Variants in ARID1A observed in about 807,000 individuals in gnomAD.
The protein encoded by ARID1A is AT-rich interaction domain 1A.
ARID1A carries 20 observed loss-of-function variants against 212.6 expected under a neutral mutation model. The ratio of observed to expected loss-of-function variants is 0.09; its 90% CI spans 0.07 to 0.14. ARID1A has a LOEUF of 0.14. Among genes scored for constraint, ARID1A ranks in the 10% least tolerant of loss-of-function variants. ARID1A has a pLI of 1.00. For missense variants in ARID1A, 2,587 were observed against 3,059.0 expected, an observed-to-expected ratio of 0.85 and a Z score of 3.64; for synonymous variants, 1,376 against 1,222.1, an observed-to-expected ratio of 1.13 and a Z score of -2.63.
At chr1:26,718,996 G>A (rs954922485) in intron 1 of ARID1A, among the ~76,000 whole-genome samples, 1 of 152,058 alleles carries the variant, frequency 6.6e-6, no homozygotes, top group African/African-American at 2.4e-5. Context: ...GTTGACCGTG[G>A]GTAACTGAAA....
At chr1:26,751,962 G>C (rs2124021027) in intron 4 of ARID1A, among the ~76,000 whole-genome samples, 1 of 152,300 alleles carries the variant, frequency 6.6e-6, no homozygotes, top group East Asian at 1.9e-4. Flanking sequence ...GAGTTTGGTG[G>C]GGGATTTCAT....
At chr1:26,723,578 T>C (rs1570568565) in intron 1 of ARID1A, among the ~76,000 whole-genome samples, 1 of 152,172 alleles carries the variant, frequency 6.6e-6, no homozygotes, top group South Asian at 2.1e-4. Flanking sequence ...GGCAGCCAGC[T>C]TCATGGCCAG....
chr1:26,781,967 TCAA>T lies in ARID1A; in HGVS notation c.*1215_*1217del. On this transcript the variant is annotated 3_prime_UTR_variant, in exon 20 of 20. Transcript: ENST00000324856. ...GTGATAAAATCTGCATATTTGTATT[TCAA>T]CAATGTAGCTAAAACTTGATGTAAA... 1 of 233,616 alleles carries T rather than the reference TCAA, an allele frequency of 4.3e-6. No homozygotes were observed. Among genetic ancestry groups the T allele is most frequent in the East Asian group, 6.0e-5 (1 of 16,538 alleles). 14.5% of individuals were successfully genotyped at this position (233,616 alleles called of 1,614,324 possible). A position where few individuals can be genotyped will look rare whatever the true frequency, so the allele number is the denominator to read the frequency against.
intron 1 of ARID1A, among the ~76,000 whole-genome samples, chr1:26,725,456 G>A (rs2080607084): frequency 6.6e-6 from 1 of 152,072 alleles, no homozygotes; most frequent in African/African-American, 2.4e-5. Flanking sequence ...TCTGATTTGA[G>A]CAGATGTCTA....
intron 1 of ARID1A, among the ~76,000 whole-genome samples, chr1:26,709,977 G>A (rs1285795088): frequency 1.3e-5 from 2 of 151,242 alleles, no homozygotes; most frequent in African/African-American, 2.4e-5. Flanking sequence ...GATTACAGGC[G>A]TGTGCCACCA....
At chr1:26,722,006 G>T (rs1240782326) in intron 1 of ARID1A, among the ~76,000 whole-genome samples, 29 of 152,168 alleles carry the variant, frequency 1.9e-4, no homozygotes, top group Non-Finnish European at 1.5e-5. Flanking sequence ...AGATATGGTA[G>T]TCTATATATC....
chr1:26,736,818 C>G (rs2080736103), intron 4 of ARID1A, among the ~76,000 whole-genome samples: 1 of 148,728 alleles, frequency 6.7e-6, no homozygotes, highest in Non-Finnish European at 1.5e-5. Context: ...AGGAGAATTG[C>G]TTCAATCCAG....
At position 26,696,577 on chromosome 1, in the gene ARID1A, C is replaced by G. The variant is rs2124740573; in HGVS notation, c.174C>G (p.Ser58Arg). 1 of 1,228,814 alleles carries G rather than the reference C, an allele frequency of 8.1e-7. No individual in the cohort carries two copies. Among genetic ancestry groups the G allele is most frequent in the East Asian group, 3.2e-5 (1 of 30,836 alleles). The allele number at this position is 1,228,814 out of a possible 1,614,324, so 76.1% of individuals were successfully genotyped here. A position where few individuals can be genotyped will look rare whatever the true frequency, so the allele number is the denominator to read the frequency against. The change falls in exon 1 of 20, where the codon AGC becomes AGG. Residue 58 changes from serine (S) to arginine (R), a missense_variant. By Grantham distance (110) the Ser-to-Arg change is moderately radical. Around this residue, in one of 11 missense-constraint regions of ARID1A, gnomAD observed 735 missense variants for 590.6 expected, o/e 1.24. Transcript: ENST00000324856. Reference protein sequence around the residue: ...GEMKAAAGQESEGPAVGPPQP... With the variant: ...GEMKAAAGQEREGPAVGPPQP... Reference sequence around the variant, plus strand: ...TGAAGGCAGCCGCCGGGCAGGAAAGCGAGGGCCCCGCCGTGGGGCCGCCGC... The same window carrying G: ...TGAAGGCAGCCGCCGGGCAGGAAAGGGAGGGCCCCGCCGTGGGGCCGCCGC...
At chr1:26,770,708 A>T (rs904879431) in intron 11 of ARID1A, 2 of 177,390 alleles carry the variant, frequency 1.1e-5, no homozygotes, top group Admixed American at 1.2e-4. Context: ...CAGCGAGCCA[A>T]GATCACGCCA....
intron 19 of ARID1A, 72 bp from the exon 20 acceptor site, chr1:26,778,951 C>T (rs1446275502): frequency 4.9e-6 from 7 of 1,423,652 alleles, no homozygotes; most frequent in Non-Finnish European, 6.6e-6. Flanking sequence ...TTGGGGAGGT[C>T]TCTCAAGTCA....
chr1:26,702,589 T>C (rs1356456101), intron 1 of ARID1A, among the ~76,000 whole-genome samples: 1 of 152,194 alleles, frequency 6.6e-6, no homozygotes, highest in Admixed American at 6.5e-5. Flanking sequence ...TTCTATAGAA[T>C]GTTTGACAGG....
In ARID1A at chr1:26,763,270, A is replaced by C. The variant is rs1404684837; in HGVS notation, c.2717A>C (p.Asn906Thr). 2 of 1,606,506 alleles carry C rather than the reference A, an allele frequency of 1.2e-6. No individual in the cohort carries two copies. The highest frequency in any genetic ancestry group is 1.7e-5 in the Admixed American group (1 of 59,530). ...ETAVAMHVAA[N>T]SIQNRPPGYP... ...GCTGTCGCCATGCATGTTGCTGCCA[A>C]CTCTATCCAAAACAGGTAAGGCCTG... Residue 906 changes from asparagine (N) to threonine (T), a missense_variant, in exon 8 of 20, where the codon AAC (asparagine) becomes ACC (threonine). Asn to Thr is a moderately conservative substitution (Grantham distance 65). Coordinates refer to ENST00000324856, the MANE Select transcript of ARID1A (RefSeq NM_006015.6).
intron 4 of ARID1A, among the ~76,000 whole-genome samples, chr1:26,743,290 G>A (rs536563547): frequency 6.6e-6 from 1 of 152,134 alleles, no homozygotes; most frequent in East Asian, 1.9e-4. Flanking sequence ...TTCTACTTTG[G>A]CTTCAAAACC....
At chr1:26,752,601 A>C (rs546903787) in intron 4 of ARID1A, among the ~76,000 whole-genome samples, 7 of 152,344 alleles carry the variant, frequency 4.6e-5, no homozygotes, top group African/African-American at 1.7e-4. Context: ...CTTAGAGTTT[A>C]AGGCTATTGC....
intron 1 of ARID1A, among the ~76,000 whole-genome samples, chr1:26,718,663 A>G (rs1027228398): frequency 6.6e-6 from 1 of 152,188 alleles, no homozygotes; most frequent in Non-Finnish European, 1.5e-5. Flanking sequence ...TACAACGTAG[A>G]TATTATGTAA....
At chr1:26,725,334 C>T (rs984920557) in intron 1 of ARID1A, among the ~76,000 whole-genome samples, 1 of 152,172 alleles carries the variant, frequency 6.6e-6, no homozygotes, top group Non-Finnish European at 1.5e-5. Context: ...AAGGCCCCTT[C>T]TCTGTTACGA....
chr1:26,771,213 A>G lies in ARID1A; in HGVS notation c.3293A>G (p.Gln1098Arg). 1 of 1,614,210 alleles carries G rather than the reference A, an allele frequency of 6.2e-7. No homozygotes were observed. Among genetic ancestry groups the G allele is most frequent in the Non-Finnish European group, 8.5e-7 (1 of 1,180,036 alleles). ...AGCTCCTTGAAAAAGCAGTATATCCAGTGTCTCTATGCCTTTGAATGCAAG... is the reference window on the plus strand; with the variant it reads ...AGCTCCTTGAAAAAGCAGTATATCCGGTGTCTCTATGCCTTTGAATGCAAG... ...AASSLKKQYI[Q>R]CLYAFECKIE... Residue 1098 changes from glutamine (Q) to arginine (R), a missense_variant, in exon 12 of 20, where the codon CAG (glutamine) becomes CGG (arginine). Physicochemically the swap from Gln to Arg is conservative, Grantham distance 43. Transcript: ENST00000324856. The surrounding 1 kb of genome is among the most constrained non-coding windows in gnomAD (Gnocchi z 5.4).
At chr1:26,731,650 C>G (rs770404297) in intron 3 of ARID1A, 46 bp downstream of exon 3, 2 of 1,588,102 alleles carry the variant, frequency 1.3e-6, no homozygotes, top group South Asian at 2.3e-5. Context: ...TGACTACAGA[C>G]AGCTTGGGGG....
At chr1:26,719,624 T>C (rs901450174) in intron 1 of ARID1A, among the ~76,000 whole-genome samples, 33 of 143,366 alleles carry the variant, frequency 2.3e-4, no homozygotes, top group Non-Finnish European at 4.1e-4. Flanking sequence ...AACTCTATAC[T>C]TTTTTTTTTT....
Sources: allele counts gnomAD v4.1 joint callset (sites outside exome capture counted in the v4.1 genomes callset), GRCh38; gene constraint gnomAD v4.1.1; regional missense constraint gnomAD v4.1.1; non-coding constraint Gnocchi (gnomAD v3.1); transcripts MANE v1.5; gene names NCBI Gene and HGNC (gene_info 2026-07-23, HGNC 2026-07-21).